Variants in TSPEAR observed in about 807,000 individuals in gnomAD.
TSPEAR encodes thrombospondin type laminin G domain and EAR repeats.
In TSPEAR, 69 loss-of-function variants were observed where a neutral mutation model predicts 71.6. That is an observed-to-expected ratio of 0.96 (90% CI 0.79 to 1.18). The LOEUF (loss-of-function observed/expected upper bound fraction) is 1.18, where lower values mean the gene tolerates loss of function less well. Ranked by LOEUF, TSPEAR falls within the 50% of genes most tolerant of loss-of-function variation. The probability of loss-of-function intolerance (pLI) is 0.00; values close to 1 mark genes in which losing one functional copy is unlikely to be tolerated. For synonymous variants in TSPEAR, 402 were observed against 387.2 expected, an observed-to-expected ratio of 1.04 and a Z score of -0.45; for missense variants, 971 against 894.9, an observed-to-expected ratio of 1.09 and a Z score of -1.09.
rs73233081 is a variant in TSPEAR, at chr21:44,659,427, C to G, written c.82+52006G>C. 5.1e-3 allele frequency among the ~76,000 whole-genome samples: 783 copies of G among 152,176 alleles called. 3 individuals are homozygous for G. Among genetic ancestry groups the G allele is most frequent in the Middle Eastern group, 0.01 (3 of 294 alleles). On this transcript the variant is annotated intron_variant, in intron 1 of 11. Transcript: ENST00000323084. ...GAAGGTAACCACAGTAACAACAAAA[C>G]CCAAACCACGGTCAGTGTCTGACCA...
intron 1 of TSPEAR, chr21:44,580,203 A>T (rs587727869): frequency 5.0e-6 from 8 of 1,614,084 alleles, no homozygotes; most frequent in Admixed American, 3.3e-5. Context: ...GACTGCTGGC[A>T]GGAGGAAGAG....
At chr21:44,516,761 A>T (rs999734489) in intron 9 of TSPEAR, among the ~76,000 whole-genome samples, 2 of 152,102 alleles carry the variant, frequency 1.3e-5, no homozygotes, top group Non-Finnish European at 2.9e-5. Flanking sequence ...TTCTCCTTTC[A>T]TGCTTAAAAT....
chr21:44,551,651 A>G, intron 2 of TSPEAR: 1 of 792,588 alleles, frequency 1.3e-6, no homozygotes, highest in South Asian at 1.8e-5. Flanking sequence ...GAGGACCCTC[A>G]TTATTTCTGC....
At chr21:44,640,531 G>T (rs2082626948) in intron 1 of TSPEAR, among the ~76,000 whole-genome samples, 1 of 152,196 alleles carries the variant, frequency 6.6e-6, no homozygotes. Flanking sequence ...GAACTTCATG[G>T]CTTGTGAATT....
chr21:44,599,134 T>TTCTCTTCTCTCTCTCTCTCTCTCTCTC (rs1980576903), intron 1 of TSPEAR, among the ~76,000 whole-genome samples: 1 of 92,280 alleles, frequency 1.1e-5, no homozygotes, highest in Non-Finnish European at 2.4e-5. Context: ...GGCCCCCATT[T>TTCTCTTCTCTCTCTCTCTCTCTCTCTC]TCTCTCTCTC....
chr21:44,688,434 G>C (rs922087379), intron 1 of TSPEAR, among the ~76,000 whole-genome samples: 14 of 152,140 alleles, frequency 9.2e-5, no homozygotes, highest in African/African-American at 3.4e-4. Flanking sequence ...GAAAAGGAAA[G>C]AGACGGCCGG....
At chr21:44,586,799 T>C (rs1442821590) in intron 1 of TSPEAR, among the ~76,000 whole-genome samples, 1 of 152,192 alleles carries the variant, frequency 6.6e-6, no homozygotes, top group Non-Finnish European at 1.5e-5. Flanking sequence ...AAAAATCACA[T>C]GATCAATAGA....
intron 2 of TSPEAR, chr21:44,550,382 C>T (rs2053387596): frequency 1.8e-6 from 1 of 561,054 alleles, no homozygotes; most frequent in African/African-American, 1.9e-5. Flanking sequence ...TTTATTGGTG[C>T]TCAGAGGCAG....
chr21:44,676,296 A>T (rs1341811366), intron 1 of TSPEAR: 4 of 1,211,160 alleles, frequency 3.3e-6, no homozygotes, highest in Non-Finnish European at 4.9e-6. Flanking sequence ...CTGGAGGGAT[A>T]GCTGTGGCTA....
At chr21:44,591,511 G>A (rs1979834791) in intron 1 of TSPEAR, 1 of 1,614,066 alleles carries the variant, frequency 6.2e-7, no homozygotes, top group Non-Finnish European at 8.5e-7. Flanking sequence ...GGAGGCAGAG[G>A]CACCACAGGA....
At chr21:44,619,741 T>A (rs587759793) in intron 1 of TSPEAR, among the ~76,000 whole-genome samples, 1 of 152,338 alleles carries the variant, frequency 6.6e-6, no homozygotes, top group Admixed American at 6.5e-5. Flanking sequence ...ATGATATGGT[T>A]TCAACAGCAG....
Position 44,695,551 on chromosome 21 carries a change from T to C in TSPEAR, c.82+15882A>G, listed in dbSNP as rs1465610941. Among the ~76,000 whole-genome samples the C allele has an allele frequency of 1.3e-5, 2 of 152,138 alleles. No individual in the cohort carries two copies. Among genetic ancestry groups the C allele is most frequent in the African/African-American group, 4.8e-5 (2 of 41,406 alleles). On this transcript the variant is annotated intron_variant, in intron 1 of 11. Coordinates refer to ENST00000323084, the MANE Select transcript of TSPEAR (RefSeq NM_144991.3). This position sits in a 1 kb window ranked among gnomAD's most constrained non-coding sequence, Gnocchi z 4.5. ...AGACCCTTTTCCCAAGTCCAATTTT[T>C]CCTCCAAGTTCCTGGTCCCTTGTGG...
At position 44,612,984 on chromosome 21, in the gene TSPEAR, G is replaced by T. The variant is rs587725600; in HGVS notation, c.83-44979C>A. 2.7e-6 allele frequency: 4 copies of T among 1,502,132 alleles called. No individual in the cohort carries two copies. The East Asian group carries it at 6.8e-5, about 25-fold the overall frequency. The allele number at this position is 1,502,132 out of a possible 1,614,324, so 93.1% of individuals were successfully genotyped here. A position where few individuals can be genotyped will look rare whatever the true frequency, so the allele number is the denominator to read the frequency against. ...TAAGTGGCTGCCCCTACCTGGGATG[G>T]GGTCTCCATGTCTCCCCTGTGCTGA... On this transcript the variant is annotated intron_variant, in intron 1 of 11. Coordinates refer to ENST00000323084, the MANE Select transcript of TSPEAR (RefSeq NM_144991.3). This position sits in a 1 kb window ranked among gnomAD's most constrained non-coding sequence, Gnocchi z 4.1.
rs186026328 is a variant in TSPEAR at position 44,623,477 on chromosome 21, G to A, written c.83-55472C>T. Among the ~76,000 whole-genome samples, 71 of 152,278 alleles carry A rather than the reference G, an allele frequency of 4.7e-4. No individual in the cohort carries two copies. Among genetic ancestry groups the A allele is most frequent in the African/African-American group, 1.6e-3 (68 of 41,546 alleles). On this transcript the variant is annotated intron_variant, in intron 1 of 11. Coordinates refer to ENST00000323084, the MANE Select transcript of TSPEAR (RefSeq NM_144991.3). The surrounding 1 kb of genome is among the most constrained non-coding windows in gnomAD (Gnocchi z 4.5). The stretch of plus-strand genomic sequence containing the variant: ...TACAACTTCTAAGACATCTTATACA[G>A]TAAATATTCATTTAGATTTCCCCAT...
In TSPEAR at chr21:44,647,647, G is replaced by A. The variant is rs1218732806; in HGVS notation, c.82+63786C>T. ...TCTAATCAATAAATTCTTGAGTCAG[G>A]AAATACGGGCTGGTGTGCACTTTCT... On this transcript the variant is annotated intron_variant, in intron 1 of 11. Coordinates refer to ENST00000323084, the MANE Select transcript of TSPEAR (RefSeq NM_144991.3). 10 of 460,366 alleles carry A rather than the reference G, an allele frequency of 2.2e-5. No homozygotes were observed. In the South Asian group the frequency reaches 2.4e-4, roughly 11 times the overall value. The allele number at this position is 460,366 out of a possible 1,614,324, so 28.5% of individuals were successfully genotyped here.
intron 1 of TSPEAR, among the ~76,000 whole-genome samples, chr21:44,578,010 C>T (rs1276810248): frequency 3.9e-5 from 6 of 152,156 alleles, no homozygotes; most frequent in Admixed American, 1.3e-4. Context: ...AGGGGAGTTT[C>T]CCTGCACAAG....
At chr21:44,692,350 G>C (rs1987157345) in intron 1 of TSPEAR, among the ~76,000 whole-genome samples, 2 of 152,128 alleles carry the variant, frequency 1.3e-5, no homozygotes, top group Non-Finnish European at 2.9e-5. Flanking sequence ...GGAAGTTCTA[G>C]CCAGAGCTAT....
intron 3 of TSPEAR, among the ~76,000 whole-genome samples, chr21:44,532,738 C>T (rs772699657): frequency 5.9e-5 from 9 of 152,136 alleles, no homozygotes; most frequent in African/African-American, 9.7e-5. Flanking sequence ...ACCAACTGGC[C>T]GAGCTAGGGG....
At chr21:44,530,109 T>C (rs1305745678) in intron 4 of TSPEAR, among the ~76,000 whole-genome samples, 155 bp from the exon 5 acceptor site, 1 of 152,224 alleles carries the variant, frequency 6.6e-6, no homozygotes, top group Non-Finnish European at 1.5e-5. Flanking sequence ...GTTTACATGA[T>C]GGTTACTGAG....
Sources: allele counts gnomAD v4.1 joint callset (sites outside exome capture counted in the v4.1 genomes callset), GRCh38; gene constraint gnomAD v4.1.1; non-coding constraint Gnocchi (gnomAD v3.1); transcripts MANE v1.5; gene names NCBI Gene and HGNC (gene_info 2026-07-23, HGNC 2026-07-21).